Variants in ST3GAL3 observed in about 807,000 individuals in gnomAD.
ST3GAL3 encodes the protein CMP-N-acetylneuraminate-beta-1,4-galactoside alpha-2,3-sialyltransferase.
Under a neutral mutation model 50.1 loss-of-function variants are expected in ST3GAL3, and 21 were observed. The observed-to-expected ratio is 0.42, with a 90% CI of 0.30 to 0.60. The LOEUF is 0.60. Ranked by LOEUF, ST3GAL3 falls within the 20% of genes least tolerant of loss-of-function variation. The pLI is 0.19. For synonymous variants in ST3GAL3, 183 were observed against 190.0 expected (o/e 0.96, Z 0.30); for missense variants, 353 against 489.4 (o/e 0.72, Z 2.63).
intron 5 of ST3GAL3, among the ~76,000 whole-genome samples, chr1:43,854,433 A>G (rs1258973079): frequency 6.6e-6 from 1 of 152,026 alleles, no homozygotes; most frequent in Non-Finnish European, 1.5e-5. Flanking sequence ...CTCCTTAATT[A>G]TTTGTTCAAA....
intron 5 of ST3GAL3, among the ~76,000 whole-genome samples, chr1:43,890,870 G>A (rs954332787): frequency 4.6e-5 from 7 of 152,132 alleles, no homozygotes; most frequent in Admixed American, 3.3e-4. Context: ...GGTAACAGAC[G>A]TATACGGGAC....
At chr1:43,763,368 A>G (rs1231283689) in intron 2 of ST3GAL3, among the ~76,000 whole-genome samples, 3 of 152,142 alleles carry the variant, frequency 2.0e-5, no homozygotes, top group Admixed American at 1.3e-4. Context: ...TATTCCTTAC[A>G]ATTACGAGAT....
intron 1 of ST3GAL3, among the ~76,000 whole-genome samples, chr1:43,723,311 G>C (rs886500134): frequency 1.3e-5 from 2 of 151,226 alleles, no homozygotes; most frequent in Non-Finnish European, 2.9e-5. Flanking sequence ...ATTTCACCAT[G>C]TTGGCCAGAC....
At chr1:43,800,362 G>C (rs1254020819) in intron 3 of ST3GAL3, among the ~76,000 whole-genome samples, 1 of 152,180 alleles carries the variant, frequency 6.6e-6, no homozygotes, top group Non-Finnish European at 1.5e-5. Context: ...TCCCTGACTT[G>C]AGATGATGTG....
At chr1:43,901,535 AAAG>A (rs1375448764) in intron 9 of ST3GAL3, among the ~76,000 whole-genome samples, 1 of 152,214 alleles carries the variant, frequency 6.6e-6, no homozygotes, top group Non-Finnish European at 1.5e-5. Flanking sequence ...GTAAGGAAAG[AAAG>A]AAGAAAAGGA....
chr1:43,905,405 C>T (rs1258209693), intron 9 of ST3GAL3, among the ~76,000 whole-genome samples: 3 of 112,392 alleles, frequency 2.7e-5, no homozygotes, highest in African/African-American at 1.1e-4. Context: ...CCCCCTTCTG[C>T]TCCTCTTCCT....
intron 9 of ST3GAL3, among the ~76,000 whole-genome samples, chr1:43,905,296 C>T (rs1360950859): frequency 7.3e-5 from 10 of 136,950 alleles, no homozygotes; most frequent in East Asian, 4.7e-4. Flanking sequence ...TCCTTCTGCT[C>T]CTCTTCCTGC....
At chr1:43,754,936 A>G (rs1028608207) in intron 2 of ST3GAL3, among the ~76,000 whole-genome samples, 6 of 152,020 alleles carry the variant, frequency 3.9e-5, no homozygotes, top group African/African-American at 1.4e-4. Context: ...AAAAAAAAAA[A>G]CATAATAAAA....
intron 3 of ST3GAL3, among the ~76,000 whole-genome samples, chr1:43,804,039 G>T (rs2059610664): frequency 6.6e-6 from 1 of 152,192 alleles, no homozygotes; most frequent in African/African-American, 2.4e-5. Flanking sequence ...GCTGGAATAT[G>T]AGTGCATATT....
rs558506311 is a variant in ST3GAL3, at chr1:43,850,953, G to A, written c.302+12642G>A. ...TTGCCCTCCTTTCCTGTAGAAGATC[G>A]TGCGGACTTGGCAGCCTCTCAGGTT... On this transcript the variant is annotated intron_variant, in intron 5 of 11. Coordinates refer to ENST00000347631, the MANE Select transcript of ST3GAL3 (RefSeq NM_006279.5). 52 of 1,015,942 alleles carry A rather than the reference G, an allele frequency of 5.1e-5. No individual in the cohort carries two copies. The Middle Eastern group carries it at 8.5e-4, about 17-fold the overall frequency. 62.9% of individuals were successfully genotyped at this position (1,015,942 alleles called of 1,614,324 possible).
Position 43,823,258 on chromosome 1 carries a change from T to G in ST3GAL3, c.209+8325T>G, listed in dbSNP as rs529267532. ...TCAGAACTCCCCAATGGCTCCCCAT[T>G]TCTTGTAGAATGAGAGCCAGAACCT... On this transcript the variant is annotated intron_variant, in intron 4 of 11. Transcript: ENST00000347631. 3.3e-5 allele frequency among the ~76,000 whole-genome samples: 5 copies of G among 152,256 alleles called. No homozygotes were observed. In the East Asian group the frequency reaches 9.6e-4, roughly 29 times the overall value.
intron 1 of ST3GAL3, among the ~76,000 whole-genome samples, chr1:43,721,852 T>G (rs1353459396): frequency 1.3e-5 from 2 of 149,702 alleles, no homozygotes; most frequent in Non-Finnish European, 3.0e-5. Flanking sequence ...CTGCCTGCCT[T>G]GGCCTCCCAA....
intron 1 of ST3GAL3, among the ~76,000 whole-genome samples, chr1:43,721,897 G>A (rs567571827): frequency 3.3e-5 from 5 of 152,196 alleles, no homozygotes; most frequent in Middle Eastern, 6.8e-3. Flanking sequence ...CACATACCCG[G>A]CCCCCTCATG....
intron 5 of ST3GAL3, among the ~76,000 whole-genome samples, chr1:43,858,986 G>T (rs1448593532): frequency 6.6e-6 from 1 of 152,202 alleles, no homozygotes; most frequent in Non-Finnish European, 1.5e-5. Context: ...GGAAGCCACG[G>T]CCCTACTCAG....
At chr1:43,893,511 T>C (rs553933808) in intron 5 of ST3GAL3, among the ~76,000 whole-genome samples, 2 of 150,950 alleles carry the variant, frequency 1.3e-5, no homozygotes, top group Non-Finnish European at 3.0e-5. Context: ...CAATTCCTGC[T>C]GCACCTTCTC....
At chr1:43,870,824 A>C (rs2072521172) in intron 5 of ST3GAL3, among the ~76,000 whole-genome samples, 1 of 152,134 alleles carries the variant, frequency 6.6e-6, no homozygotes, top group Admixed American at 6.6e-5. Flanking sequence ...TGCAAGGGCC[A>C]CTGTGGAAAG....
rs1442927135 is a variant in ST3GAL3, at chr1:43,741,986, A to T, written c.118+5606A>T. Among the ~76,000 whole-genome samples the T allele has an allele frequency of 3.3e-5, 5 of 152,168 alleles. No individual in the cohort carries two copies. In the East Asian group the frequency reaches 9.6e-4, roughly 29 times the overall value. ...GGGGTGGACCATCATAGGGTAGGGAATTGTTCAGCAAGAGGGTCTCAGAAG... is the reference window on the plus strand; with the variant it reads ...GGGGTGGACCATCATAGGGTAGGGATTTGTTCAGCAAGAGGGTCTCAGAAG... On this transcript the variant is annotated intron_variant, in intron 2 of 11. Transcript: ENST00000347631.
At chr1:43,894,331 T>C in intron 5 of ST3GAL3, 52 bp from the exon 6 acceptor site, 1 of 1,574,368 alleles carries the variant, frequency 6.4e-7, no homozygotes, top group Non-Finnish European at 8.7e-7. Flanking sequence ...GTGCCACCAG[T>C]AATCCAGACT....
At chr1:43,756,161 A>T (rs1688026201) in intron 2 of ST3GAL3, among the ~76,000 whole-genome samples, 1 of 151,792 alleles carries the variant, frequency 6.6e-6, no homozygotes, top group Non-Finnish European at 1.5e-5. Flanking sequence ...AAAAGGAACA[A>T]ACTTGATACA....
Sources: gnomAD v4.1 joint callset for allele counts (sites outside exome capture counted in the v4.1 genomes callset) on GRCh38, gnomAD v4.1.1 for gene constraint, MANE v1.5 for transcripts, NCBI Gene and HGNC (gene_info 2026-07-23, HGNC 2026-07-21) for gene names.